Variants in MACROD2 observed in about 807,000 individuals in gnomAD.
The protein encoded by MACROD2 is ADP-ribose glycohydrolase MACROD2.
In MACROD2, 36 loss-of-function variants were observed where a neutral mutation model predicts 70.4. That is an observed-to-expected ratio of 0.51 (90% CI 0.39 to 0.68). The LOEUF (loss-of-function observed/expected upper bound fraction) is 0.68. Among genes scored for constraint, MACROD2 ranks in the 30% least tolerant of loss-of-function variants. MACROD2 has a pLI of 0.00. For missense variants in MACROD2, 496 were observed against 538.4 expected, an observed-to-expected ratio of 0.92 and a Z score of 0.78; for synonymous variants, 172 against 178.8, an observed-to-expected ratio of 0.96 and a Z score of 0.30.
chr20:16,035,759 A>T (rs2067226372), intron 15 of MACROD2, among the ~76,000 whole-genome samples: 1 of 108,780 alleles, frequency 9.2e-6, no homozygotes, highest in African/African-American at 3.6e-5. Context: ...AACTGCAACT[A>T]GTCTGGGCCA....
At position 15,381,592 on chromosome 20, in the gene MACROD2, G is replaced by A. The variant is rs1251637350; in HGVS notation, c.541-49813G>A. 5.9e-5 allele frequency among the ~76,000 whole-genome samples: 9 copies of A among 152,204 alleles called. No homozygotes were observed. In the East Asian group the frequency reaches 1.7e-3, roughly 29 times the overall value. On this transcript the variant is annotated intron_variant, in intron 6 of 17. Transcript: ENST00000684519. ...GAGGTGGGAGGATTGACTGAGCCAG[G>A]GATGTTGAGGCTGCAGTGAGCCATG...
At chr20:14,615,714 C>T (rs527573678) in intron 4 of MACROD2, among the ~76,000 whole-genome samples, 1 of 152,010 alleles carries the variant, frequency 6.6e-6, no homozygotes, top group Non-Finnish European at 1.5e-5. Context: ...AAAGATTAGC[C>T]TGGTAGCAAT....
At chr20:14,723,021 G>T (rs1347482293) in intron 5 of MACROD2, among the ~76,000 whole-genome samples, 1 of 152,170 alleles carries the variant, frequency 6.6e-6, no homozygotes, top group African/African-American at 2.4e-5. Context: ...CACCTTGCAG[G>T]TTAAATCTGT....
chr20:15,213,050 C>T (rs569008300), intron 5 of MACROD2, among the ~76,000 whole-genome samples: 12 of 152,256 alleles, frequency 7.9e-5, no homozygotes, highest in African/African-American at 2.9e-4. Context: ...GGAGATGTCG[C>T]CAGAGTTTAG....
At chr20:15,857,806 G>A (rs1015420327) in intron 8 of MACROD2, among the ~76,000 whole-genome samples, 1 of 152,198 alleles carries the variant, frequency 6.6e-6, no homozygotes, top group Non-Finnish European at 1.5e-5. Context: ...TGAGAAAGAT[G>A]TAAAAACTAG....
intron 5 of MACROD2, among the ~76,000 whole-genome samples, chr20:14,882,794 A>T (rs1568852319): frequency 6.6e-6 from 1 of 152,038 alleles, no homozygotes; most frequent in Non-Finnish European, 1.5e-5. Context: ...CATTTTTTTT[A>T]AAAATAAAGT....
chr20:15,675,398 T>C (rs2050042768), intron 8 of MACROD2, among the ~76,000 whole-genome samples: 1 of 152,240 alleles, frequency 6.6e-6, no homozygotes, highest in Non-Finnish European at 1.5e-5. Flanking sequence ...GTGTAATAGC[T>C]ACAATACCCA....
chr20:14,218,865 A>T (rs146090058), intron 3 of MACROD2, among the ~76,000 whole-genome samples: 3 of 152,180 alleles, frequency 2.0e-5, no homozygotes, highest in Non-Finnish European at 2.9e-5. Context: ...TAAGTCCCCA[A>T]TTGCTTTTAG....
intron 6 of MACROD2, among the ~76,000 whole-genome samples, chr20:15,411,397 GA>G (rs906430335): frequency 9.4e-5 from 14 of 149,618 alleles, no homozygotes; most frequent in South Asian, 4.2e-4. Flanking sequence ...CTGCCAATGG[GA>G]AAAAAAAAAT....
At chr20:15,475,276 A>G (rs1267092075) in intron 7 of MACROD2, among the ~76,000 whole-genome samples, 2 of 152,206 alleles carry the variant, frequency 1.3e-5, no homozygotes, top group Non-Finnish European at 2.9e-5. Context: ...ACTGTATAGT[A>G]ACATCTGCTC....
chr20:15,151,883 T>C (rs886143836), intron 5 of MACROD2, among the ~76,000 whole-genome samples: 9 of 151,536 alleles, frequency 5.9e-5, no homozygotes, highest in African/African-American at 9.7e-5. Context: ...TAAGGAAGAA[T>C]TGGGACCTAG....
chr20:15,164,119 C>T (rs1474796815), intron 5 of MACROD2, among the ~76,000 whole-genome samples: 1 of 151,962 alleles, frequency 6.6e-6, no homozygotes, highest in Admixed American at 6.6e-5. Context: ...TACAGTGAGC[C>T]CTCCATATCT....
At position 14,519,063 on chromosome 20, in the gene MACROD2, GTTC is replaced by G. The variant is rs1255929030; in HGVS notation, c.301+25562_301+25564del. On this transcript the variant is annotated intron_variant, in intron 4 of 17. Transcript: ENST00000684519. ...ATGAAAACAATACAAAAGATAATTTGTTCTTCTTCACTAGAGATAGACAAGAGA... is the reference window on the plus strand; with the variant it reads ...ATGAAAACAATACAAAAGATAATTTGTTCTTCACTAGAGATAGACAAGAGA... Among the ~76,000 whole-genome samples the G allele has an allele frequency of 4.6e-5, 7 of 152,208 alleles. 1 individual carries two copies. The highest frequency in any genetic ancestry group is 3.3e-4 in the Admixed American group (5 of 15,288).
chr20:15,817,621 CCT>C (rs1266713871), intron 8 of MACROD2, among the ~76,000 whole-genome samples: 1 of 152,132 alleles, frequency 6.6e-6, no homozygotes, highest in East Asian at 1.9e-4. Flanking sequence ...TTTCCTAATG[CCT>C]CTCACAACTG....
chr20:15,907,113 T>G (rs2065158929), intron 10 of MACROD2, among the ~76,000 whole-genome samples: 1 of 152,246 alleles, frequency 6.6e-6, no homozygotes, highest in Non-Finnish European at 1.5e-5. Context: ...TGGGTTGTAA[T>G]AACGCCTTAG....
intron 5 of MACROD2, among the ~76,000 whole-genome samples, chr20:15,206,181 T>C: frequency 6.6e-6 from 1 of 152,328 alleles, no homozygotes; most frequent in South Asian, 2.1e-4. Context: ...GTATAAATAT[T>C]TTATTGAATA....
chr20:15,677,175 G>A (rs1462681414), intron 8 of MACROD2, among the ~76,000 whole-genome samples: 1 of 152,082 alleles, frequency 6.6e-6, no homozygotes, highest in African/African-American at 2.4e-5. Flanking sequence ...GTTTTGTTTT[G>A]GAGAATAAGT....
intron 12 of MACROD2, among the ~76,000 whole-genome samples, chr20:15,950,264 T>A (rs1278903221): frequency 6.6e-6 from 1 of 152,190 alleles, no homozygotes; most frequent in African/African-American, 2.4e-5. Flanking sequence ...TAAGAGTTTT[T>A]AAAAGTATTT....
chr20:15,189,918 G>T (rs1372632564), intron 5 of MACROD2, among the ~76,000 whole-genome samples: 1 of 151,866 alleles, frequency 6.6e-6, no homozygotes, highest in East Asian at 1.9e-4. Context: ...TCTTTTGAAG[G>T]TGCATTAACC....
Sources: allele counts gnomAD v4.1 joint callset (sites outside exome capture counted in the v4.1 genomes callset), GRCh38; gene constraint gnomAD v4.1.1; transcripts MANE v1.5; gene names NCBI Gene and HGNC (gene_info 2026-07-23, HGNC 2026-07-21).